The following ESRRG variants were observed in gnomAD, a reference collection of about 807,000 sequenced individuals.
The protein encoded by ESRRG is estrogen-related receptor gamma.
In ESRRG, 13 loss-of-function variants were observed where a neutral mutation model predicts 44.0. That is an observed-to-expected ratio of 0.30 (90% CI 0.19 to 0.47). The LOEUF is 0.47. ESRRG is among the 20% of genes least tolerant of loss of function. ESRRG has a pLI of 1.00. For missense variants in ESRRG, 395 were observed against 580.6 expected, an observed-to-expected ratio of 0.68 and a Z score of 3.29; for synonymous variants, 215 against 214.6, an observed-to-expected ratio of 1.00 and a Z score of -0.02.
At position 217,021,069 on chromosome 1, in the gene ESRRG, C is replaced by CACACACACACAT. The variant is rs772598229; in HGVS notation, c.-106+68437_-106+68438insATGTGTGTGTGT. ...ATGCATACACACACACACACACACACACACACATACACACAGAGAAAGATA... is the reference window on the plus strand; with the variant it reads ...ATGCATACACACACACACACACACACACACACACACATACACACATACACACAGAGAAAGATA... On this transcript the variant is annotated intron_variant, in intron 1 of 7. Transcript: ENST00000359162. 1.2e-4 allele frequency among the ~76,000 whole-genome samples: 18 copies of CACACACACACAT among 151,472 alleles called. 1 individual carries two copies. Among genetic ancestry groups the CACACACACACAT allele is most frequent in the Admixed American group, 4.0e-4 (6 of 15,168 alleles).
chr1:216,808,407 G>T (rs774627498), intron 2 of ESRRG, among the ~76,000 whole-genome samples: 21 of 152,044 alleles, frequency 1.4e-4, no homozygotes, highest in Non-Finnish European at 2.6e-4. Context: ...GAGCATCAAT[G>T]AATCTAAAAT....
intron 5 of ESRRG, among the ~76,000 whole-genome samples, chr1:216,555,922 T>A (rs972440617): frequency 6.6e-6 from 1 of 152,014 alleles, no homozygotes; most frequent in Non-Finnish European, 1.5e-5. Context: ...GGGGAAAAAG[T>A]GCGACCAGCC....
intron 1 of ESRRG, among the ~76,000 whole-genome samples, chr1:217,011,073 C>T (rs12404767): frequency 0.023 from 3,565 of 152,264 alleles, 93 homozygotes; most frequent in East Asian, 0.073. Flanking sequence ...TACCACCAAA[C>T]GCCATCAACT....
intron 2 of ESRRG, among the ~76,000 whole-genome samples, chr1:216,755,643 C>T (rs1410996968): frequency 6.6e-6 from 1 of 151,946 alleles, no homozygotes; most frequent in East Asian, 1.9e-4. Context: ...TGCTGTCAGT[C>T]CCCAAAACCC....
chr1:216,876,857 C>A (rs1471872324), intron 2 of ESRRG, among the ~76,000 whole-genome samples: 2 of 152,058 alleles, frequency 1.3e-5, no homozygotes, highest in African/African-American at 4.8e-5. Context: ...TACTTTACAC[C>A]TTTTAATAGA....
rs528909921 is a variant in ESRRG at position 216,705,281 on chromosome 1, T to C, written c.56+17963A>G. 9.4e-4 allele frequency among the ~76,000 whole-genome samples: 143 copies of C among 152,220 alleles called. 1 individual carries two copies. Among genetic ancestry groups the C allele is most frequent in the Middle Eastern group, 3.4e-3 (1 of 294 alleles). On this transcript the variant is annotated intron_variant, in intron 1 of 6. Transcript: ENST00000408911. ...CTTTGTACATGGTAGCCAACTAAAA[T>C]ATTCTGAATGGCCACATAAACGAAT...
intron 3 of ESRRG, among the ~76,000 whole-genome samples, chr1:216,623,333 A>C (rs1011429511): frequency 4.7e-4 from 71 of 152,188 alleles, no homozygotes; most frequent in African/African-American, 1.6e-3. Context: ...AACTTTTAAG[A>C]ACAAATATGA....
chr1:217,007,323 A>T (rs1250734308), intron 1 of ESRRG, among the ~76,000 whole-genome samples: 2 of 152,158 alleles, frequency 1.3e-5, no homozygotes, highest in Non-Finnish European at 2.9e-5. Context: ...CTAAAATTTT[A>T]AAATATTTTC....
chr1:216,727,553 G>A (rs1241905418), upstream of ESRRG, among the ~76,000 whole-genome samples: 1 of 151,922 alleles, frequency 6.6e-6, no homozygotes, highest in South Asian at 2.1e-4. Flanking sequence ...CTGAGAACAC[G>A]CAGACTTCTT....
At chr1:216,748,701 G>T (rs1192703375) in intron 2 of ESRRG, among the ~76,000 whole-genome samples, 1 of 152,170 alleles carries the variant, frequency 6.6e-6, no homozygotes, top group African/African-American at 2.4e-5. Flanking sequence ...TAAAGTGACA[G>T]AATCTGGAAG....
chr1:216,919,497 G>A (rs1459308268), intron 2 of ESRRG, among the ~76,000 whole-genome samples: 1 of 152,172 alleles, frequency 6.6e-6, no homozygotes, highest in African/African-American at 2.4e-5. Context: ...ACACCAACCA[G>A]TATAAATCCG....
At chr1:217,019,202 T>A (rs900557002) in intron 1 of ESRRG, among the ~76,000 whole-genome samples, 13 of 152,218 alleles carry the variant, frequency 8.5e-5, no homozygotes, top group African/African-American at 2.7e-4. Context: ...CTTTTTACCT[T>A]AGTCTATTCC....
intron 1 of ESRRG, among the ~76,000 whole-genome samples, chr1:216,708,763 A>C (rs1413993822): frequency 1.3e-5 from 2 of 152,210 alleles, no homozygotes; most frequent in Non-Finnish European, 1.5e-5. Context: ...ACACATGCAC[A>C]CGTATGTTTA....
Position 216,797,762 on chromosome 1 carries a change from T to C in ESRRG, c.-13-120271A>G, listed in dbSNP as rs149598998. Among the ~76,000 whole-genome samples, 345 of 152,248 alleles carry C rather than the reference T, an allele frequency of 2.3e-3. 1 individual carries two copies. Among genetic ancestry groups the C allele is most frequent in the African/African-American group, 7.9e-3 (328 of 41,552 alleles). On this transcript the variant is annotated intron_variant, in intron 2 of 7. Coordinates refer to the ESRRG transcript ENST00000359162. Reference sequence around the variant, plus strand: ...GGTGTATACTACCAACATGACTTAATACTGTTGATGCTGACCTTGATCACC... The same window carrying C: ...GGTGTATACTACCAACATGACTTAACACTGTTGATGCTGACCTTGATCACC...
intron 2 of ESRRG, among the ~76,000 whole-genome samples, chr1:216,879,962 A>G (rs1462663802): frequency 6.6e-6 from 1 of 152,164 alleles, no homozygotes; most frequent in Non-Finnish European, 1.5e-5. Context: ...CTCTGTATTG[A>G]CAAGGTGTGT....
intron 6 of ESRRG, among the ~76,000 whole-genome samples, chr1:216,518,533 A>G (rs1344672313): frequency 6.6e-6 from 1 of 152,156 alleles, no homozygotes; most frequent in Non-Finnish European, 1.5e-5. Flanking sequence ...ATAATAAAGC[A>G]TTAAGAGAGG....
intron 5 of ESRRG, among the ~76,000 whole-genome samples, chr1:216,529,795 A>C (rs2048746823): frequency 6.6e-6 from 1 of 152,140 alleles, no homozygotes; most frequent in Non-Finnish European, 1.5e-5. Flanking sequence ...GGAATATCCC[A>C]CAATTAAAAG....
chr1:216,775,074 G>A (rs1026276110), intron 2 of ESRRG, among the ~76,000 whole-genome samples: 2 of 151,870 alleles, frequency 1.3e-5, no homozygotes, highest in Non-Finnish European at 2.9e-5. Context: ...CACCCCAAGT[G>A]CTAGGATTAT....
At position 216,623,452 on chromosome 1, in the gene ESRRG, C is replaced by T. The variant is rs147389104; in HGVS notation, c.589+27521G>A. 9.2e-5 allele frequency among the ~76,000 whole-genome samples: 14 copies of T among 152,270 alleles called. No homozygotes were observed. The East Asian group carries it at 1.9e-3, about 21-fold the overall frequency. On this transcript the variant is annotated intron_variant, in intron 3 of 6. Transcript: ENST00000408911. ...ATTCCTGCATCCTGTAAATAACACA[C>T]CCACATGTGGAGACCAGAACATACC...
Sources: allele counts gnomAD v4.1 joint callset (sites outside exome capture counted in the v4.1 genomes callset), GRCh38; gene constraint gnomAD v4.1.1; transcripts MANE v1.5; gene names NCBI Gene and HGNC (gene_info 2026-07-23, HGNC 2026-07-21).